The following DSCAML1 variants were observed in gnomAD, a reference collection of about 807,000 sequenced individuals.
DSCAML1 encodes the protein DS cell adhesion molecule like 1, also known as cell adhesion molecule DSCAML1.
In DSCAML1, 38 loss-of-function variants were observed where a neutral mutation model predicts 200.5. That is an observed-to-expected ratio of 0.19 (90% CI 0.15 to 0.25). The LOEUF (loss-of-function observed/expected upper bound fraction) is 0.25. DSCAML1 is among the 10% of genes least tolerant of loss of function. The pLI is 1.00. For synonymous variants in DSCAML1, 1,215 were observed against 1,165.0 expected, an observed-to-expected ratio of 1.04 and a Z score of -0.87; for missense variants, 2,223 against 2,858.8, an observed-to-expected ratio of 0.78 and a Z score of 5.07.
chr11:117,807,907 C>T (rs2134087920), intron 1 of DSCAML1, among the ~76,000 whole-genome samples: 1 of 152,292 alleles, frequency 6.6e-6, no homozygotes, highest in South Asian at 2.1e-4. Context: ...CTGCAACCTC[C>T]ACCTCCTGGG....
chr11:117,433,058 GT>G, intron 29 of DSCAML1, 79 bp downstream of exon 29: 1 of 1,247,784 alleles, frequency 8.0e-7, no homozygotes, highest in Admixed American at 1.8e-5. Context: ...TGCCATGAGG[GT>G]TGGTGTTTGA....
chr11:117,775,318 C>T (rs1475490950), intron 3 of DSCAML1, among the ~76,000 whole-genome samples: 6 of 152,230 alleles, frequency 3.9e-5, no homozygotes, highest in Non-Finnish European at 8.8e-5. Flanking sequence ...CTTCTGGCTG[C>T]GTCCATGGAG....
chr11:117,474,990 C>T (rs948478181), intron 14 of DSCAML1, among the ~76,000 whole-genome samples: 4 of 152,074 alleles, frequency 2.6e-5, no homozygotes, highest in Non-Finnish European at 4.4e-5. Flanking sequence ...CTCCTGACCT[C>T]GTGATCTGCC....
chr11:117,646,645 A>G (rs943305042), intron 3 of DSCAML1, among the ~76,000 whole-genome samples: 2 of 152,152 alleles, frequency 1.3e-5, no homozygotes, highest in South Asian at 2.1e-4. Flanking sequence ...TTTCTTCCCA[A>G]TCCCATGGTT....
chr11:117,697,214 A>G (rs1314655656), intron 3 of DSCAML1, among the ~76,000 whole-genome samples: 1 of 152,210 alleles, frequency 6.6e-6, no homozygotes, highest in Non-Finnish European at 1.5e-5. Context: ...AGACTCCTGC[A>G]CAAGGCCACC....
intron 3 of DSCAML1, among the ~76,000 whole-genome samples, chr11:117,646,187 C>T (rs1301607299): frequency 1.3e-5 from 2 of 151,418 alleles, no homozygotes; most frequent in African/African-American, 4.9e-5. Context: ...TGTCAGACCA[C>T]AAGTCCTGAT....
intron 3 of DSCAML1, among the ~76,000 whole-genome samples, chr11:117,577,519 TTCCTTCC>T (rs2050965623): frequency 4.2e-5 from 1 of 23,898 alleles, no homozygotes; most frequent in African/African-American, 1.4e-4. Flanking sequence ...CCTTCCTTCC[TTCCTTCC>T]TTCCTTCCTT....
intron 3 of DSCAML1, among the ~76,000 whole-genome samples, chr11:117,727,202 A>G (rs1461703905): frequency 6.6e-6 from 1 of 152,202 alleles, no homozygotes; most frequent in African/African-American, 2.4e-5. Context: ...TGGGATTTGA[A>G]TCCTGGTTTG....
chr11:117,559,924 G>T (rs1015979235), intron 3 of DSCAML1, among the ~76,000 whole-genome samples: 5 of 152,132 alleles, frequency 3.3e-5, no homozygotes, highest in African/African-American at 1.2e-4. Flanking sequence ...AGGGGCAAAG[G>T]GCTAGGTAGG....
intron 3 of DSCAML1, among the ~76,000 whole-genome samples, chr11:117,674,944 G>T (rs1286683050): frequency 6.6e-6 from 1 of 152,128 alleles, no homozygotes; most frequent in Non-Finnish European, 1.5e-5. Context: ...GTATAGATTT[G>T]TGCAAGGTAA....
intron 3 of DSCAML1, among the ~76,000 whole-genome samples, chr11:117,767,291 C>A (rs1032312759): frequency 4.6e-5 from 7 of 152,108 alleles, no homozygotes; most frequent in Non-Finnish European, 8.8e-5. Flanking sequence ...GGCCCCACAT[C>A]TGCAAAATGG....
chr11:117,480,332 G>C lies in DSCAML1; in HGVS notation c.2785+111C>G. The C allele has an allele frequency of 4.7e-6, 7 of 1,485,040 alleles. No individual in the cohort carries two copies. The highest frequency in any genetic ancestry group is 6.4e-6 in the Non-Finnish European group (7 of 1,097,688). The allele number at this position is 1,485,040 out of a possible 1,614,324, so 92.0% of individuals were successfully genotyped here. On this transcript the variant is annotated intron_variant, in intron 14 of 32. Transcript: ENST00000651296. The surrounding 1 kb of genome is among the most constrained non-coding windows in gnomAD (Gnocchi z 4.1). ...TGGTGGGTGCTTGTGTGTCTAGCTT[G>C]GATGGGCAGCCCTAAGGCTCAGGGG...
intron 3 of DSCAML1, among the ~76,000 whole-genome samples, chr11:117,703,268 G>A (rs1321555601): frequency 3.3e-5 from 5 of 152,104 alleles, no homozygotes; most frequent in Non-Finnish European, 7.4e-5. Flanking sequence ...AGATTATCTG[G>A]GCTGCCTTCA....
intron 3 of DSCAML1, among the ~76,000 whole-genome samples, chr11:117,708,376 A>C (rs1158816633): frequency 6.6e-6 from 1 of 152,256 alleles, no homozygotes; most frequent in Non-Finnish European, 1.5e-5. Flanking sequence ...TCCCTGATGC[A>C]GAATCTCAAA....
At chr11:117,515,876 C>T (rs1456178525) in intron 8 of DSCAML1, among the ~76,000 whole-genome samples, 1 of 152,080 alleles carries the variant, frequency 6.6e-6, no homozygotes, top group Non-Finnish European at 1.5e-5. Context: ...GCCTCGGCCT[C>T]CCAAAGTGCT....
At position 117,742,182 on chromosome 11, in the gene DSCAML1, A is replaced by G. The variant is rs568359121; in HGVS notation, c.511+34609T>C. On this transcript the variant is annotated intron_variant, in intron 3 of 32. Coordinates refer to ENST00000651296, the MANE Select transcript of DSCAML1 (RefSeq NM_020693.4). ...CATGGAGGAGGAATTGCGAAACCCA[A>G]TCCTGAGTTCAGGCCCTCACTTCAC... 3.3e-5 allele frequency among the ~76,000 whole-genome samples: 5 copies of G among 152,296 alleles called. No individual in the cohort carries two copies. The South Asian group carries it at 8.3e-4, about 25-fold the overall frequency.
rs1203000745 is a variant in DSCAML1, at chr11:117,471,994, G to A, written c.2828C>T (p.Thr943Ile). ...GTCCACAATGTTGGCCTGGTTGATG[G>A]TGGGGGAGATGTTGCGTGTGGACTG... ...FKQSTRNISP[T>I]INQANIVDLH... Residue 943 changes from threonine (T) to isoleucine (I), a missense_variant, in exon 15 of 33, where the codon ACC becomes ATC. Coordinates refer to ENST00000651296, the MANE Select transcript of DSCAML1 (RefSeq NM_020693.4). The A allele has an allele frequency of 2.5e-6, 4 of 1,614,076 alleles. No homozygotes were observed. The highest frequency in any genetic ancestry group is 3.4e-6 in the Non-Finnish European group (4 of 1,180,040).
chr11:117,673,670 T>C (rs191054753), intron 3 of DSCAML1, among the ~76,000 whole-genome samples: 1 of 152,310 alleles, frequency 6.6e-6, no homozygotes, highest in East Asian at 1.9e-4. Context: ...GGAAGTCCGA[T>C]TTAATCAGCC....
intron 3 of DSCAML1, among the ~76,000 whole-genome samples, chr11:117,698,664 A>C (rs77295591): frequency 0.024 from 3,600 of 152,334 alleles, 137 homozygotes; most frequent in African/African-American, 0.081. Flanking sequence ...GAATGTAATC[A>C]TCACCTAATG....
Sources: allele counts gnomAD v4.1 joint callset (sites outside exome capture counted in the v4.1 genomes callset), GRCh38; gene constraint gnomAD v4.1.1; non-coding constraint Gnocchi (gnomAD v3.1); transcripts MANE v1.5; gene names NCBI Gene and HGNC (gene_info 2026-07-23, HGNC 2026-07-21).